Variants in SMIM41 observed in about 807,000 individuals in gnomAD.
SMIM41 encodes small integral membrane protein 41.
At position 52,083,324 on chromosome 12, in the gene SMIM41, C is replaced by T. The variant is rs374723860; in HGVS notation, c.*121-570C>T. Among the ~76,000 whole-genome samples, 192 of 152,296 alleles carry T rather than the reference C, an allele frequency of 1.3e-3. 1 individual carries two copies. The South Asian group carries it at 0.036, about 29-fold the overall frequency. ...CCCCCTCAATCCAGGAATGCTGCAT[C>T]GCTTTCTGTGGCCTGTTATTAAATA... On this transcript the variant is annotated intron_variant, in intron 1 of 2. Coordinates refer to ENST00000546390, the MANE Select transcript of SMIM41 (RefSeq NM_001369216.1).
chr12:52,084,691 G>A (rs539140641), intron 2 of SMIM41: 24 of 152,910 alleles, frequency 1.6e-4, no homozygotes, highest in Admixed American at 1.3e-4. Flanking sequence ...GGGGCAGGGC[G>A]GATGAGGGAG....
At position 52,083,923 on chromosome 12, in the gene SMIM41, G is replaced by A. The variant is rs1939853738; in HGVS notation, c.*150G>A. 6.6e-6 allele frequency: 1 copy of A among 151,586 alleles called. No homozygotes were observed. Among genetic ancestry groups the A allele is most frequent in the African/African-American group, 2.4e-5 (1 of 40,858 alleles). The allele number at this position is 151,586 out of a possible 1,614,324, so 9.4% of individuals were successfully genotyped here. A position where few individuals can be genotyped will look rare whatever the true frequency, so the allele number is the denominator to read the frequency against. ...GAGAAGAAGAGAAGAGGAGAGGAGA[G>A]AAGAGAAGAAGAGAGGAGAGAAGAG... is the stretch of plus-strand genomic sequence containing the variant. On this transcript the variant is annotated 3_prime_UTR_variant, in exon 2 of 3. Transcript: ENST00000546390.
intron 2 of SMIM41, among the ~76,000 whole-genome samples, chr12:52,093,244 A>G (rs1197236252): frequency 6.6e-6 from 1 of 152,176 alleles, no homozygotes; most frequent in Non-Finnish European, 1.5e-5. Flanking sequence ...TGGAACTACA[A>G]CTTACATAAA....
intron 2 of SMIM41, among the ~76,000 whole-genome samples, chr12:52,090,498 A>G (rs1231273643): frequency 6.6e-6 from 1 of 152,120 alleles, no homozygotes; most frequent in Non-Finnish European, 1.5e-5. Context: ...CAGAGGAAGG[A>G]GCGCACCTGC....
intron 2 of SMIM41, among the ~76,000 whole-genome samples, chr12:52,091,795 C>T (rs1940008896): frequency 6.6e-6 from 1 of 152,172 alleles, no homozygotes; most frequent in Non-Finnish European, 1.5e-5. Context: ...AACGGAGGCA[C>T]ATTGGAGTTG....
intron 1 of SMIM41, chr12:52,082,021 T>C (rs1939826923): frequency 6.6e-6 from 1 of 152,292 alleles, no homozygotes. Context: ...ACTGCCCCCT[T>C]CCCATCCTGC....
intron 2 of SMIM41, chr12:52,087,625 G>A (rs895879670): frequency 7.2e-5 from 11 of 152,336 alleles, no homozygotes; most frequent in Admixed American, 4.6e-4. Flanking sequence ...AGGAAAGGAT[G>A]AGACTTTGGA....
chr12:52,105,464 T>C (rs1940316642), intron 2 of SMIM41, among the ~76,000 whole-genome samples: 1 of 152,148 alleles, frequency 6.6e-6, no homozygotes, highest in African/African-American at 2.4e-5. Context: ...TGCTTTAAAC[T>C]TTTTGAAGCT....
intron 2 of SMIM41, among the ~76,000 whole-genome samples, chr12:52,102,237 G>A (rs190862952): frequency 6.5e-4 from 99 of 152,254 alleles, no homozygotes; most frequent in African/African-American, 2.2e-3. Context: ...ACACAAACTG[G>A]ATCAAAGACC....
chr12:52,104,740 A>G (rs1940297358), intron 2 of SMIM41, among the ~76,000 whole-genome samples: 2 of 152,046 alleles, frequency 1.3e-5, no homozygotes, highest in South Asian at 2.1e-4. Flanking sequence ...TGTCCTTTTC[A>G]TAGACATCTC....
In SMIM41 at chr12:52,107,955, G is replaced by T; in HGVS notation, c.*772G>T. On this transcript the variant is annotated 3_prime_UTR_variant, in exon 3 of 3. Transcript: ENST00000546390. ...CATGTATTTCCCTACTGCCATATTT[G>T]GTTTTCTTCCCATCTCGGGGACCCT... 2 of 229,502 alleles carry T rather than the reference G, an allele frequency of 8.7e-6. No homozygotes were observed. Among genetic ancestry groups the T allele is most frequent in the Non-Finnish European group, 1.7e-5 (2 of 115,418 alleles). The allele number at this position is 229,502 out of a possible 1,614,324, so 14.2% of individuals were successfully genotyped here. A position where few individuals can be genotyped will look rare whatever the true frequency, so the allele number is the denominator to read the frequency against.
chr12:52,091,995 T>G (rs1940012222), intron 2 of SMIM41: 1 of 152,262 alleles, frequency 6.6e-6, no homozygotes, highest in African/African-American at 2.4e-5. Context: ...AAATACCACC[T>G]TCATGGATTT....
At chr12:52,092,632 A>T (rs1381709448) in intron 2 of SMIM41, 1 of 152,190 alleles carries the variant, frequency 6.6e-6, no homozygotes, top group African/African-American at 2.4e-5. Context: ...GGAGCATCTC[A>T]TGGGACCACC....
At chr12:52,090,547 G>T (rs547129195) in intron 2 of SMIM41, among the ~76,000 whole-genome samples, 1 of 152,346 alleles carries the variant, frequency 6.6e-6, no homozygotes, top group East Asian at 1.9e-4. Context: ...GGGAGCTGCG[G>T]CTGCGGTGAG....
intron 2 of SMIM41, among the ~76,000 whole-genome samples, chr12:52,096,851 C>T (rs181097207): frequency 3.6e-4 from 55 of 152,080 alleles, no homozygotes; most frequent in African/African-American, 1.3e-3. Context: ...TGTACACCCC[C>T]CTGTGATGTT....
At chr12:52,098,734 C>T (rs1431043941) in intron 2 of SMIM41, among the ~76,000 whole-genome samples, 1 of 133,186 alleles carries the variant, frequency 7.5e-6, no homozygotes, top group South Asian at 2.3e-4. Flanking sequence ...AACAATATCA[C>T]GGGGGGGGGG....
At position 52,081,023 on chromosome 12, in the gene SMIM41, TG is replaced by T. The variant is rs1290722354; in HGVS notation, c.*120+843del. ...GGAAGTGGGGCTGAGGATTTCCAGCTGTGGGGGCTCTGTCTGGGTGTCTCCC... is the reference window on the plus strand; with the variant it reads ...GGAAGTGGGGCTGAGGATTTCCAGCTTGGGGGCTCTGTCTGGGTGTCTCCC... On this transcript the variant is annotated intron_variant, in intron 1 of 2. Coordinates refer to ENST00000546390, the MANE Select transcript of SMIM41 (RefSeq NM_001369216.1). This position sits in a 1 kb window ranked among gnomAD's most constrained non-coding sequence, Gnocchi z 4.1. Among the ~76,000 whole-genome samples, 1 of 152,130 alleles carries T rather than the reference TG, an allele frequency of 6.6e-6. No homozygotes were observed. The highest frequency in any genetic ancestry group is 1.5e-5 in the Non-Finnish European group (1 of 67,996).
At chr12:52,103,422 G>A (rs917961779) in intron 2 of SMIM41, among the ~76,000 whole-genome samples, 2 of 149,312 alleles carry the variant, frequency 1.3e-5, no homozygotes, top group African/African-American at 4.9e-5. Context: ...CAACATGGAT[G>A]AACCTTGAAG....
intron 1 of SMIM41, among the ~76,000 whole-genome samples, chr12:52,082,329 A>G (rs1939830314): frequency 6.6e-6 from 1 of 152,034 alleles, no homozygotes; most frequent in Admixed American, 6.6e-5. Context: ...GTCTGCTCAC[A>G]CCCAGGACAG....
Sources: gnomAD v4.1 joint callset for allele counts (sites outside exome capture counted in the v4.1 genomes callset) on GRCh38, gnomAD v4.1.1 for gene constraint, Gnocchi (gnomAD v3.1) non-coding constraint, MANE v1.5 for transcripts, NCBI Gene and HGNC (gene_info 2026-07-23, HGNC 2026-07-21) for gene names.